Variants in ENPP3 observed in about 807,000 individuals in gnomAD.
The protein encoded by ENPP3 is ectonucleotide pyrophosphatase/phosphodiesterase 3.
Under a neutral mutation model 117.8 loss-of-function variants are expected in ENPP3, and 104 were observed. The observed-to-expected ratio is 0.88, with a 90% CI of 0.75 to 1.04. The LOEUF is 1.04. Among genes scored for constraint, ENPP3 ranks in the 50% least tolerant of loss-of-function variants. The pLI, the probability that ENPP3 is intolerant of heterozygous loss-of-function variation, is 0.00. For missense variants in ENPP3, 1,026 were observed against 1,051.9 expected (o/e 0.98, Z 0.34); for synonymous variants, 380 against 349.9 (o/e 1.09, Z -0.96).
intron 12 of ENPP3, among the ~76,000 whole-genome samples, chr6:131,683,550 A>T (rs1472747672): frequency 1.3e-5 from 2 of 151,766 alleles, no homozygotes; most frequent in African/African-American, 4.8e-5. Flanking sequence ...ATTTTTTTTT[A>T]GTTATGTAAA....
chr6:131,638,401 T>C (rs1470711837), intron 1 of ENPP3: 2 of 387,832 alleles, frequency 5.2e-6, no homozygotes, highest in Non-Finnish European at 1.0e-5. Flanking sequence ...TCTTAAGAAA[T>C]CTCATGTTCT....
chr6:131,664,763 G>A (rs935850616), intron 6 of ENPP3, among the ~76,000 whole-genome samples: 25 of 152,302 alleles, frequency 1.6e-4, no homozygotes, highest in African/African-American at 5.8e-4. Flanking sequence ...ATAACATGCT[G>A]TACAGATTTG....
chr6:131,664,659 TATC>T (rs563362904), intron 6 of ENPP3, among the ~76,000 whole-genome samples: 2 of 152,194 alleles, frequency 1.3e-5, no homozygotes, highest in Non-Finnish European at 2.9e-5. Flanking sequence ...GTCTGTATTA[TATC>T]ATATTTTCAC....
At position 131,675,083 on chromosome 6, in the gene ENPP3, T is replaced by A. The variant is rs774918753; in HGVS notation, c.766T>A (p.Trp256Arg). 1 of 1,608,812 alleles carries A rather than the reference T, an allele frequency of 6.2e-7. No individual in the cohort carries two copies. Among genetic ancestry groups the A allele is most frequent in the South Asian group, 1.1e-5 (1 of 90,934 alleles). Reference protein sequence around the residue: ...NPAWWHGQPMWLTAMYQGLKA... With the variant: ...NPAWWHGQPMRLTAMYQGLKA... ...CTTATCCTAAATTTTCTTACAGATG[T>A]GGCTGACAGCAATGTATCAAGGTTT... The change falls in exon 9 of 25, where the codon TGG becomes AGG. Residue 256 changes from tryptophan (W) to arginine (R), a missense_variant. Physicochemically the swap from Trp to Arg is moderately radical, Grantham distance 101. Coordinates refer to ENST00000357639, the MANE Select transcript of ENPP3 (RefSeq NM_005021.5).
intron 24 of ENPP3, among the ~76,000 whole-genome samples, chr6:131,743,354 C>T (rs1399315295): frequency 1.7e-4 from 26 of 151,732 alleles, no homozygotes; most frequent in Admixed American, 1.5e-3. Context: ...TGAATGACTT[C>T]GTTTCTTTGG....
At chr6:131,651,512 G>A (rs1033627452) in intron 3 of ENPP3, among the ~76,000 whole-genome samples, 7 of 152,200 alleles carry the variant, frequency 4.6e-5, no homozygotes, top group East Asian at 1.9e-4. Context: ...GTTCTCAAAC[G>A]TCGAGGTGCA....
intron 17 of ENPP3, among the ~76,000 whole-genome samples, chr6:131,720,627 G>A (rs1015357254): frequency 5.3e-5 from 8 of 152,218 alleles, no homozygotes; most frequent in Non-Finnish European, 1.0e-4. Context: ...TGTCACCCAG[G>A]CTGGAGTGCA....
intron 6 of ENPP3, among the ~76,000 whole-genome samples, chr6:131,665,420 C>G (rs1778597071): frequency 2.0e-5 from 3 of 152,064 alleles, no homozygotes; most frequent in Non-Finnish European, 2.9e-5. Context: ...AATCTCCTTA[C>G]TGTTTATAGA....
At chr6:131,710,538 A>T in intron 15 of ENPP3, 1 of 1,611,012 alleles carries the variant, frequency 6.2e-7, no homozygotes, top group Non-Finnish European at 8.5e-7. Context: ...CTTGTTGAGA[A>T]TGTTTAGATT....
In ENPP3 at chr6:131,733,698, C is replaced by T. The variant is rs1780335659; in HGVS notation, c.2064C>T (p.Ile688=). The T allele has an allele frequency of 6.2e-7, 1 of 1,613,974 alleles. No homozygotes were observed. Among genetic ancestry groups the T allele is most frequent in the Non-Finnish European group, 8.5e-7 (1 of 1,179,980 alleles). Residue 688 remains isoleucine (I), a synonymous_variant, in exon 21 of 25, where the codon ATC becomes ATT. Transcript: ENST00000357639. ...KCSFYLADKN[I]THGFLYPPAS... ...CCTTCTATTTAGCAGACAAGAATAT[C>T]ACCCACGGCTTCCTCTATCCTCCTG... is the stretch of plus-strand genomic sequence containing the variant.
chr6:131,648,136 T>C (rs935165051), intron 2 of ENPP3, among the ~76,000 whole-genome samples: 2 of 151,894 alleles, frequency 1.3e-5, no homozygotes, highest in African/African-American at 2.4e-5. Context: ...ATTTTTCTTA[T>C]GTTCACTAAC....
In ENPP3 at chr6:131,674,323, T is replaced by C. The variant is rs1218701040; in HGVS notation, c.762+42T>C. The C allele has an allele frequency of 1.9e-6, 3 of 1,601,058 alleles. No individual in the cohort carries two copies. In the African/African-American group the frequency reaches 4.0e-5, roughly 21 times the overall value. ...ACGTCGCAACTGAAGTAACCTCCATTTCTCAGTGTGACAGGAGGACACTCT... is the reference window on the plus strand; with the variant it reads ...ACGTCGCAACTGAAGTAACCTCCATCTCTCAGTGTGACAGGAGGACACTCT... On this transcript the variant is annotated intron_variant, in intron 8 of 24. Coordinates refer to ENST00000357639, the MANE Select transcript of ENPP3 (RefSeq NM_005021.5).
chr6:131,694,095 A>G (rs1180970289), intron 15 of ENPP3, among the ~76,000 whole-genome samples: 1 of 152,240 alleles, frequency 6.6e-6, no homozygotes, highest in East Asian at 1.9e-4. Flanking sequence ...ATGGTAATTT[A>G]TGTTGATTAT....
At chr6:131,693,384 G>A (rs1779331842) in intron 14 of ENPP3, 113 bp from the exon 15 acceptor site, 3 of 892,614 alleles carry the variant, frequency 3.4e-6, no homozygotes, top group Non-Finnish European at 5.1e-6. Flanking sequence ...TATTAGCCAA[G>A]CTGAAATCCC....
intron 15 of ENPP3, among the ~76,000 whole-genome samples, chr6:131,716,801 T>G (rs1247469430): frequency 6.8e-6 from 1 of 147,666 alleles, no homozygotes; most frequent in Non-Finnish European, 1.5e-5. Context: ...AAACCCTCTC[T>G]CCACTAAAAA....
At chr6:131,680,695 TA>T (rs1779005499) in intron 11 of ENPP3, among the ~76,000 whole-genome samples, 3 of 152,212 alleles carry the variant, frequency 2.0e-5, no homozygotes, top group Admixed American at 2.0e-4. Flanking sequence ...AAATTGACAG[TA>T]AAAAGGCGAT....
At chr6:131,649,653 T>G (rs1778220563) in intron 2 of ENPP3, among the ~76,000 whole-genome samples, 1 of 152,140 alleles carries the variant, frequency 6.6e-6, no homozygotes, top group East Asian at 1.9e-4. Context: ...CCTCCTGGGT[T>G]CAAGCAATTC....
chr6:131,702,074 G>A (rs1350783917), intron 15 of ENPP3, among the ~76,000 whole-genome samples: 2 of 151,920 alleles, frequency 1.3e-5, no homozygotes, highest in Non-Finnish European at 2.9e-5. Context: ...ACATGTCAAT[G>A]TAGTACACAG....
chr6:131,709,650 A>G, intron 15 of ENPP3: 1 of 1,612,362 alleles, frequency 6.2e-7, no homozygotes, highest in Non-Finnish European at 8.5e-7. Context: ...TCTCGTAGGA[A>G]ATAACCTGCT....
Sources: allele counts gnomAD v4.1 joint callset (sites outside exome capture counted in the v4.1 genomes callset), GRCh38; gene constraint gnomAD v4.1.1; transcripts MANE v1.5; gene names NCBI Gene and HGNC (gene_info 2026-07-23, HGNC 2026-07-21).